MAP6: variants seen among roughly 807,000 people sequenced by gnomAD.
MAP6 encodes the protein microtubule associated protein 6.
A neutral mutation model predicts 42.4 loss-of-function variants in MAP6; 26 were observed. The ratio of observed to expected loss-of-function variants is 0.61; its 90% CI spans 0.45 to 0.85. The LOEUF (loss-of-function observed/expected upper bound fraction) is 0.85, where lower values mean the gene tolerates loss of function less well. Among genes scored for constraint, MAP6 ranks in the 40% least tolerant of loss-of-function variants. The pLI is 0.00. For synonymous variants in MAP6, 418 were observed against 443.8 expected (o/e 0.94, Z 0.73); for missense variants, 966 against 1,099.0 (o/e 0.88, Z 1.71).
Position 75,587,718 on chromosome 11 carries a change from G to A in MAP6, c.1783C>T (p.Gln595Ter). The change falls in exon 4 of 4, where the codon CAA (glutamine) becomes TAA (stop). Residue 595 changes from glutamine to a stop codon, truncating the protein, a stop_gained. Transcript: ENST00000304771. LOFTEE classifies it low-confidence loss of function (END_TRUNC). ...GPMVSASVKD[Q>*]GPMVSAPVKD... Reference sequence around the variant, plus strand: ...ACAGGTGCTGAGACCATGGGACCTTGATCCTTGACAGATGCTGAGACCATG... The same window carrying A: ...ACAGGTGCTGAGACCATGGGACCTTAATCCTTGACAGATGCTGAGACCATG... 6.2e-6 allele frequency: 10 copies of A among 1,610,370 alleles called. No individual in the cohort carries two copies. Among genetic ancestry groups the A allele is most frequent in the Non-Finnish European group, 8.5e-6 (10 of 1,177,414 alleles).
At chr11:75,614,271 G>A (rs376572017) in intron 1 of MAP6, among the ~76,000 whole-genome samples, 6 of 152,316 alleles carry the variant, frequency 3.9e-5, no homozygotes, top group African/African-American at 1.4e-4. Flanking sequence ...GGGGTGTAAA[G>A]TTGCTATGCA....
chr11:75,591,371 G>A (rs1942473824), intron 3 of MAP6, among the ~76,000 whole-genome samples: 1 of 152,224 alleles, frequency 6.6e-6, no homozygotes, highest in South Asian at 2.1e-4. Context: ...AGCCTGGACA[G>A]TTTTTCTATG....
chr11:75,605,401 A>C, intron 3 of MAP6: 2 of 995,282 alleles, frequency 2.0e-6, no homozygotes, highest in Non-Finnish European at 2.4e-6. Context: ...AAAAGAACAC[A>C]TGTACCTAAA....
intron 1 of MAP6, among the ~76,000 whole-genome samples, chr11:75,662,374 T>TGGGA (rs1030354876): frequency 6.6e-6 from 1 of 152,214 alleles, no homozygotes; most frequent in Admixed American, 6.5e-5. Context: ...GTGTATGTGA[T>TGGGA]TTTGTGGAGA....
At chr11:75,641,294 T>C (rs1027233877) in intron 1 of MAP6, among the ~76,000 whole-genome samples, 1 of 121,818 alleles carries the variant, frequency 8.2e-6, no homozygotes, top group Non-Finnish European at 1.6e-5. Flanking sequence ...TGAGAACACA[T>C]GGACTCAGGA....
chr11:75,603,037 G>A, intron 3 of MAP6: 1 of 985,726 alleles, frequency 1.0e-6, no homozygotes, highest in Non-Finnish European at 1.2e-6. Flanking sequence ...ATGTTACATA[G>A]ACAATCTGTG....
intron 1 of MAP6, among the ~76,000 whole-genome samples, chr11:75,665,677 GTTTT>G (rs966930712): frequency 6.6e-6 from 1 of 152,160 alleles, no homozygotes; most frequent in African/African-American, 2.4e-5. Flanking sequence ...TCCTGCCTTT[GTTTT>G]TTATGTCTCC....
chr11:75,649,671 T>C (rs1943616553), intron 1 of MAP6, among the ~76,000 whole-genome samples: 1 of 152,010 alleles, frequency 6.6e-6, no homozygotes, highest in African/African-American at 2.4e-5. Flanking sequence ...CCCAAGTAGC[T>C]GGGATTACAG....
rs556632861 is a variant in MAP6 at position 75,645,327 on chromosome 11, TTC to T, written c.905+22136_905+22137del. 3.2e-4 allele frequency among the ~76,000 whole-genome samples: 48 copies of T among 151,950 alleles called. No homozygotes were observed. The South Asian group carries it at 9.4e-3, about 30-fold the overall frequency. On this transcript the variant is annotated intron_variant, in intron 1 of 3. Transcript: ENST00000304771. ...CCCAGGGAAGTCTAAGGATGTCCCT[TTC>T]TGTTTAGGGTTCTGGGTGGGGGTGG...
intron 1 of MAP6, among the ~76,000 whole-genome samples, chr11:75,635,585 T>C (rs542549710): frequency 2.0e-5 from 3 of 152,328 alleles, no homozygotes; most frequent in East Asian, 1.9e-4. Flanking sequence ...GAGGTAAAAA[T>C]AGAAACTCAT....
At chr11:75,666,050 C>G (rs1023766579) in intron 1 of MAP6, among the ~76,000 whole-genome samples, 3 of 152,126 alleles carry the variant, frequency 2.0e-5, no homozygotes, top group Admixed American at 6.5e-5. Context: ...AACCTATATA[C>G]AGAGTCTTGG....
chr11:75,667,889 G>A lies in MAP6; in HGVS notation c.481C>T (p.Arg161Cys). ...ERETQYQKDFRAWPLPRRGDH... is the reference protein window; with the variant it reads ...ERETQYQKDFCAWPLPRRGDH... ...CCGCGGCGCGGCAGCGGCCAGGCGC[G>A]GAAGTCCTTCTGGTACTGGGTCTCG... Residue 161 changes from arginine (R) to cysteine (C), a missense_variant, in exon 1 of 4, where the codon CGC becomes TGC. Coordinates refer to ENST00000304771, the MANE Select transcript of MAP6 (RefSeq NM_033063.2). This position sits in a 1 kb window ranked among gnomAD's most constrained non-coding sequence, Gnocchi z 5.6. 1 of 1,444,490 alleles carries A rather than the reference G, an allele frequency of 6.9e-7. No individual in the cohort carries two copies. The highest frequency in any genetic ancestry group is 9.1e-7 in the Non-Finnish European group (1 of 1,095,886). 89.5% of individuals were successfully genotyped at this position (1,444,490 alleles called of 1,614,324 possible).
chr11:75,622,796 C>T (rs759235449), intron 1 of MAP6, among the ~76,000 whole-genome samples: 27 of 152,236 alleles, frequency 1.8e-4, no homozygotes, highest in Non-Finnish European at 2.4e-4. Flanking sequence ...GATCTATGAA[C>T]GGAATAGAGT....
chr11:75,632,573 T>C (rs988761578), intron 1 of MAP6, among the ~76,000 whole-genome samples: 9 of 152,158 alleles, frequency 5.9e-5, no homozygotes, highest in Non-Finnish European at 1.0e-4. Flanking sequence ...GATTCTATAA[T>C]CTACTGGCTT....
At chr11:75,591,737 A>T (rs972486543) in intron 3 of MAP6, among the ~76,000 whole-genome samples, 2 of 152,202 alleles carry the variant, frequency 1.3e-5, no homozygotes, top group African/African-American at 4.8e-5. Flanking sequence ...AGAAAGTACA[A>T]TGACCTGCTG....
intron 1 of MAP6, among the ~76,000 whole-genome samples, chr11:75,615,021 T>G (rs1447608431): frequency 4.6e-5 from 7 of 152,186 alleles, no homozygotes; most frequent in Admixed American, 6.5e-5. Flanking sequence ...CTGATAAAGA[T>G]GCACCTGCCT....
intron 1 of MAP6, among the ~76,000 whole-genome samples, chr11:75,632,097 C>T (rs542223220): frequency 5.9e-5 from 9 of 152,298 alleles, no homozygotes; most frequent in African/African-American, 2.2e-4. Flanking sequence ...AAATGATTAG[C>T]TCTGTGACAT....
At chr11:75,622,052 A>C (rs1352883168) in intron 1 of MAP6, among the ~76,000 whole-genome samples, 2 of 151,942 alleles carry the variant, frequency 1.3e-5, no homozygotes, top group African/African-American at 4.8e-5. Context: ...AACAACAACA[A>C]CAAAAAAACC....
At chr11:75,615,707 C>T (rs1044169302) in intron 1 of MAP6, among the ~76,000 whole-genome samples, 3 of 152,200 alleles carry the variant, frequency 2.0e-5, no homozygotes, top group Admixed American at 2.0e-4. Context: ...TTTCTGAGCG[C>T]ATTTCAAGTT....
Sources: gnomAD v4.1 joint callset for allele counts (sites outside exome capture counted in the v4.1 genomes callset) on GRCh38, gnomAD v4.1.1 for gene constraint, Gnocchi (gnomAD v3.1) non-coding constraint, MANE v1.5 for transcripts, NCBI Gene and HGNC (gene_info 2026-07-23, HGNC 2026-07-21) for gene names.